The following POLB variants were observed in gnomAD, a reference collection of about 807,000 sequenced individuals.
POLB encodes the protein 5'-dRP lyase.
A neutral mutation model predicts 52.7 loss-of-function variants in POLB; 37 were observed. The ratio of observed to expected loss-of-function variants is 0.70; its 90% CI spans 0.54 to 0.92. The LOEUF is 0.92. Among genes scored for constraint, POLB ranks in the 40% least tolerant of loss-of-function variants. POLB has a pLI of 0.00. For synonymous variants in POLB, 138 were observed against 131.3 expected, an observed-to-expected ratio of 1.05 and a Z score of -0.35; for missense variants, 313 against 400.8, an observed-to-expected ratio of 0.78 and a Z score of 1.87.
At chr8:42,368,248 T>G (rs1244218017) in intron 11 of POLB, among the ~76,000 whole-genome samples, 1 of 152,216 alleles carries the variant, frequency 6.6e-6, no homozygotes, top group Non-Finnish European at 1.5e-5. Context: ...TGGAAATGAC[T>G]TCTGATCCAC....
chr8:42,346,815 C>G (rs1232531341), intron 3 of POLB, among the ~76,000 whole-genome samples: 1 of 152,184 alleles, frequency 6.6e-6, no homozygotes, highest in Non-Finnish European at 1.5e-5. Context: ...CTTGACTTCG[C>G]TACTCAGTAC....
intron 5 of POLB, among the ~76,000 whole-genome samples, 162 bp downstream of exon 5, chr8:42,350,227 A>G (rs1822891966): frequency 6.6e-6 from 1 of 152,166 alleles, no homozygotes. Context: ...CCGATTCTTC[A>G]GATAGTGTCT....
intron 11 of POLB, among the ~76,000 whole-genome samples, chr8:42,363,990 G>A (rs1323879312): frequency 1.3e-5 from 2 of 149,108 alleles, no homozygotes; most frequent in African/African-American, 2.5e-5. Flanking sequence ...GCAGGAGGGC[G>A]ATCTCGGCTC....
chr8:42,349,132 C>A, intron 4 of POLB, 42 bp downstream of exon 4: 1 of 1,090,520 alleles, frequency 9.2e-7, no homozygotes, highest in Non-Finnish European at 1.4e-6. Context: ...ATAGTATCTG[C>A]CTTTATGGCC....
intron 9 of POLB, chr8:42,357,728 CTTTTTTTTTT>C (rs373576053): frequency 6.9e-6 from 1 of 145,118 alleles, no homozygotes; most frequent in African/African-American, 2.8e-5. Context: ...TTTCTTTTTC[CTTTTTTTTTT>C]TTTTTTTGAG....
chr8:42,338,993 G>A lies in POLB; in HGVS notation c.62-19G>A, dbSNP rs1196222576. ...TTACTCGTGGTTCTTGTTCACCCGA[G>A]CCTTCTGTTGCCTTTCAGAACTCGC... is the stretch of plus-strand genomic sequence containing the variant. On this transcript the variant is annotated intron_variant, in intron 1 of 13. Coordinates refer to ENST00000265421, the MANE Select transcript of POLB (RefSeq NM_002690.3). 4 of 1,609,578 alleles carry A rather than the reference G, an allele frequency of 2.5e-6. No individual in the cohort carries two copies. Among genetic ancestry groups the A allele is most frequent in the African/African-American group, 2.7e-5 (2 of 74,956 alleles).
chr8:42,361,997 T>C (rs1179329974), intron 10 of POLB, among the ~76,000 whole-genome samples: 5 of 152,184 alleles, frequency 3.3e-5, no homozygotes, highest in African/African-American at 4.8e-5. Flanking sequence ...GCACGGTGGC[T>C]CATGCCTGTA....
At chr8:42,343,932 G>GAACC in intron 2 of POLB, among the ~76,000 whole-genome samples, 1 of 152,004 alleles carries the variant, frequency 6.6e-6, no homozygotes, top group African/African-American at 2.4e-5. Flanking sequence ...AGTTCGGGAT[G>GAACC]AGCCTGGCCA....
At chr8:42,366,566 A>T (rs1226591389) in intron 11 of POLB, among the ~76,000 whole-genome samples, 1 of 152,230 alleles carries the variant, frequency 6.6e-6, no homozygotes. Flanking sequence ...GTAGTTGAGC[A>T]TGCTGTTTTG....
chr8:42,359,130 A>G (rs1823514550), intron 9 of POLB, among the ~76,000 whole-genome samples: 1 of 151,958 alleles, frequency 6.6e-6, no homozygotes, highest in South Asian at 2.1e-4. Context: ...GTCCCTATGC[A>G]CTCTTTCCTA....
chr8:42,361,906 A>T (rs1823717098), intron 10 of POLB, among the ~76,000 whole-genome samples: 1 of 152,206 alleles, frequency 6.6e-6, no homozygotes, highest in African/African-American at 2.4e-5. Context: ...TTCTAAAAAT[A>T]TGTTTCATTT....
intron 10 of POLB, 101 bp downstream of exon 10, chr8:42,361,466 C>T: frequency 2.3e-6 from 2 of 861,976 alleles, no homozygotes; most frequent in Non-Finnish European, 3.9e-6. Context: ...TTTGTTTTCG[C>T]CTTCCTGAAA....
rs1020346864 is a variant in POLB at position 42,357,233 on chromosome 8, G to A, written c.477+10G>A. 4 of 1,536,634 alleles carry A rather than the reference G, an allele frequency of 2.6e-6. No homozygotes were observed. The highest frequency in any genetic ancestry group is 1.8e-6 in the Non-Finnish European group (2 of 1,111,096). ...GATGTTACAAATGCAAGTAAGATGT[G>A]TCAAATTATATTCTTTGATTAGAAT... is the stretch of plus-strand genomic sequence containing the variant. On this transcript the variant is annotated intron_variant, in intron 8 of 13. Coordinates refer to ENST00000265421, the MANE Select transcript of POLB (RefSeq NM_002690.3).
At position 42,338,494 on chromosome 8, in the gene POLB, A is replaced by G. The variant is rs1821977489; in HGVS notation, c.-131A>G. On this transcript the variant is annotated 5_prime_UTR_variant, in exon 1 of 14. Coordinates refer to ENST00000265421, the MANE Select transcript of POLB (RefSeq NM_002690.3). The stretch of plus-strand genomic sequence containing the variant: ...GCCCCGCCCCCCATCGGGGGCAACC[A>G]TTGTTCCGCCGGTCGCGCCGGAGCT... The G allele has an allele frequency of 2.6e-5, 19 of 720,546 alleles. No homozygotes were observed. Among genetic ancestry groups the G allele is most frequent in the East Asian group, 9.3e-5 (3 of 32,106 alleles). 44.6% of individuals were successfully genotyped at this position (720,546 alleles called of 1,614,324 possible).
At chr8:42,346,047 G>A (rs552890791) in intron 3 of POLB, among the ~76,000 whole-genome samples, 3 of 151,842 alleles carry the variant, frequency 2.0e-5, no homozygotes, top group South Asian at 4.2e-4. Context: ...TCAGCCTCCC[G>A]AGTAGCTGGG....
chr8:42,340,721 A>G (rs1204686520), intron 2 of POLB, among the ~76,000 whole-genome samples: 2 of 152,102 alleles, frequency 1.3e-5, no homozygotes, highest in African/African-American at 4.8e-5. Flanking sequence ...TTAGCCCTAT[A>G]CTGTCTTTAT....
chr8:42,346,184 A>G (rs1390367514), intron 3 of POLB, among the ~76,000 whole-genome samples: 2 of 152,140 alleles, frequency 1.3e-5, no homozygotes, highest in African/African-American at 4.8e-5. Context: ...AGCCTCCCAA[A>G]GTGCTGGGAT....
At chr8:42,367,552 G>A in intron 11 of POLB, among the ~76,000 whole-genome samples, 1 of 152,136 alleles carries the variant, frequency 6.6e-6, no homozygotes, top group East Asian at 1.9e-4. Flanking sequence ...TTCAACTTAG[G>A]TAGTGAAATA....
intron 11 of POLB, among the ~76,000 whole-genome samples, chr8:42,364,247 C>T (rs1823905248): frequency 1.3e-5 from 2 of 151,150 alleles, no homozygotes; most frequent in South Asian, 2.1e-4. Flanking sequence ...ATTCTTAGTT[C>T]CTTTTTTTTT....
Sources: allele counts gnomAD v4.1 joint callset (sites outside exome capture counted in the v4.1 genomes callset), GRCh38; gene constraint gnomAD v4.1.1; transcripts MANE v1.5; gene names NCBI Gene and HGNC (gene_info 2026-07-23, HGNC 2026-07-21).